The following CREB1 variants were observed in gnomAD, a reference collection of about 807,000 sequenced individuals.
CREB1 encodes cyclic AMP-responsive element-binding protein 1.
A neutral mutation model predicts 42.0 loss-of-function variants in CREB1; 2 were observed. The observed-to-expected ratio is 0.05, with a 90% CI of 0.02 to 0.15. CREB1 has a LOEUF of 0.15. Among genes scored for constraint, CREB1 ranks in the 10% least tolerant of loss-of-function variants. The pLI is 1.00. For synonymous variants in CREB1, 123 were observed against 139.9 expected, an observed-to-expected ratio of 0.88 and a Z score of 0.85; for missense variants, 199 against 388.9, an observed-to-expected ratio of 0.51 and a Z score of 4.11.
At chr2:207,535,691 C>T (rs1321514494) in intron 1 of CREB1, among the ~76,000 whole-genome samples, 1 of 151,826 alleles carries the variant, frequency 6.6e-6, no homozygotes. Flanking sequence ...TTTGGTCAAC[C>T]AGTTGGACCA....
intron 1 of CREB1, among the ~76,000 whole-genome samples, chr2:207,537,364 G>A (rs2080916962): frequency 6.6e-6 from 1 of 152,098 alleles, no homozygotes; most frequent in South Asian, 2.1e-4. Flanking sequence ...TTACATATTT[G>A]GGGATGGGGG....
chr2:207,580,737 A>C (rs2082864307), intron 7 of CREB1: 1 of 224,698 alleles, frequency 4.5e-6, no homozygotes, highest in South Asian at 1.8e-4. Flanking sequence ...CTACAGTAAC[A>C]ACCACGAATC....
intron 1 of CREB1, among the ~76,000 whole-genome samples, chr2:207,539,185 C>T (rs1430128250): frequency 2.0e-5 from 3 of 150,916 alleles, no homozygotes; most frequent in East Asian, 3.9e-4. Context: ...GGATTACAAG[C>T]ATGTGCCACC....
chr2:207,577,699 T>C, intron 7 of CREB1, 44 bp downstream of exon 7: 1 of 1,603,356 alleles, frequency 6.2e-7, no homozygotes, highest in Non-Finnish European at 8.5e-7. Context: ...GTTAAGTGTG[T>C]CTTCACATTC....
rs148886638 is a variant in CREB1, at chr2:207,579,241, A to T, written c.839+1586A>T. Among the ~76,000 whole-genome samples the T allele has an allele frequency of 3.6e-4, 55 of 152,292 alleles. No homozygotes were observed. The East Asian group carries it at 9.3e-3, about 26-fold the overall frequency. On this transcript the variant is annotated intron_variant, in intron 7 of 7. Transcript: ENST00000353267. ...AATTAAAATATTTTCAGTTTTTAAA[A>T]ATGTTTATAAGGAAACCTTTAACTT... is the stretch of plus-strand genomic sequence containing the variant.
chr2:207,563,435 T>G (rs1228340436), intron 3 of CREB1, among the ~76,000 whole-genome samples: 2 of 152,180 alleles, frequency 1.3e-5, no homozygotes, highest in Admixed American at 6.5e-5. Context: ...ATAAACTGAC[T>G]TAGAGCCAGG....
intron 3 of CREB1, among the ~76,000 whole-genome samples, chr2:207,560,590 GA>G (rs2081919070): frequency 6.6e-6 from 1 of 152,140 alleles, no homozygotes; most frequent in Non-Finnish European, 1.5e-5. Context: ...AGCTGCAGAG[GA>G]AAAAGAATTG....
chr2:207,545,960 C>G (rs1470778373), intron 1 of CREB1, among the ~76,000 whole-genome samples: 1 of 151,716 alleles, frequency 6.6e-6, no homozygotes, highest in Non-Finnish European at 1.5e-5. Flanking sequence ...GTCTTGAACT[C>G]CCGACCTCAG....
In CREB1 at chr2:207,597,233, TC is replaced by T. The variant is rs1213233489; in HGVS notation, c.*177del. 4.9e-6 allele frequency: 3 copies of T among 610,988 alleles called. No homozygotes were observed. The highest frequency in any genetic ancestry group is 7.7e-6 in the Non-Finnish European group (3 of 390,916). 37.8% of individuals were successfully genotyped at this position (610,988 alleles called of 1,614,324 possible). A position where few individuals can be genotyped will look rare whatever the true frequency, so the allele number is the denominator to read the frequency against. Reference sequence around the variant, plus strand: ...TGCTTTTGCATTAAACTGTGAATGTTCCAACACCTGCCTCCACTTCTCCCCT... The same window carrying T: ...TGCTTTTGCATTAAACTGTGAATGTTCAACACCTGCCTCCACTTCTCCCCT... On this transcript the variant is annotated 3_prime_UTR_variant, in exon 8 of 8. Transcript: ENST00000353267.
chr2:207,553,760 T>C (rs1184606429), intron 1 of CREB1, among the ~76,000 whole-genome samples: 1 of 152,228 alleles, frequency 6.6e-6, no homozygotes. Context: ...CTTAAGTCAA[T>C]ATTAAAATAC....
chr2:207,573,037 T>G (rs2082432954), intron 5 of CREB1, among the ~76,000 whole-genome samples: 1 of 152,226 alleles, frequency 6.6e-6, no homozygotes, highest in Non-Finnish European at 1.5e-5. Context: ...ATTTTGAACT[T>G]GAATTTTTTT....
chr2:207,576,241 C>CTTTTTTTTTTTTTTTTTTTGTTTTT (rs35735523), intron 6 of CREB1, among the ~76,000 whole-genome samples: 2 of 101,068 alleles, frequency 2.0e-5, no homozygotes, highest in African/African-American at 3.8e-5. Context: ...CTTTTTTTGG[C>CTTTTTTTTTTTTTTTTTTTGTTTTT]TTTTTTTTTT....
At chr2:207,555,082 A>T (rs1214010743) in intron 1 of CREB1, among the ~76,000 whole-genome samples, 3 of 152,180 alleles carry the variant, frequency 2.0e-5, no homozygotes, top group Non-Finnish European at 2.9e-5. Flanking sequence ...ATCTCTAAAA[A>T]ATTTTGGGCT....
intron 1 of CREB1, among the ~76,000 whole-genome samples, chr2:207,537,183 T>G (rs947550327): frequency 6.6e-6 from 1 of 151,948 alleles, no homozygotes; most frequent in Non-Finnish European, 1.5e-5. Context: ...GCCTCCCAAG[T>G]AGCTGGGATT....
At chr2:207,542,392 T>G (rs561018204) in intron 1 of CREB1, among the ~76,000 whole-genome samples, 1 of 152,318 alleles carries the variant, frequency 6.6e-6, no homozygotes, top group African/African-American at 2.4e-5. Flanking sequence ...GTAGCTCAGT[T>G]TGGTTTTGAT....
chr2:207,565,411 G>T (rs775383398), intron 3 of CREB1, among the ~76,000 whole-genome samples: 12 of 151,482 alleles, frequency 7.9e-5, no homozygotes, highest in Non-Finnish European at 1.3e-4. Context: ...CATTTACAAA[G>T]TTGCAAGCAC....
chr2:207,593,797 C>T (rs2085557291), intron 7 of CREB1, among the ~76,000 whole-genome samples: 1 of 149,456 alleles, frequency 6.7e-6, no homozygotes, highest in Non-Finnish European at 1.5e-5. Flanking sequence ...TGGCTCACTG[C>T]AATCTCTGCC....
intron 1 of CREB1, chr2:207,550,329 C>A (rs897902992): frequency 2.3e-4 from 33 of 140,964 alleles, no homozygotes; most frequent in African/African-American, 8.7e-4. Context: ...TAGTTGAGGT[C>A]ATTCTTTTTT....
chr2:207,557,643 G>A (rs2081784421), intron 2 of CREB1, among the ~76,000 whole-genome samples: 1 of 152,128 alleles, frequency 6.6e-6, no homozygotes, highest in Admixed American at 6.5e-5. Flanking sequence ...GGGTGACAGA[G>A]CGAGACTCCA....
Sources: allele counts gnomAD v4.1 joint callset (sites outside exome capture counted in the v4.1 genomes callset), GRCh38; gene constraint gnomAD v4.1.1; transcripts MANE v1.5; gene names NCBI Gene and HGNC (gene_info 2026-07-23, HGNC 2026-07-21).